Variants in TRAF3IP3 observed in about 807,000 individuals in gnomAD.
TRAF3IP3 encodes the protein TRAF3-interacting JNK-activating modulator.
TRAF3IP3 carries 64 observed loss-of-function variants against 86.5 expected under a neutral mutation model. The observed-to-expected ratio is 0.74, with a 90% confidence interval of 0.60 to 0.91. The LOEUF is 0.91. TRAF3IP3 is among the 40% of genes least tolerant of loss of function. The probability of loss-of-function intolerance (pLI) is 0.00; values close to 1 mark genes in which losing one functional copy is unlikely to be tolerated. For synonymous variants in TRAF3IP3, 220 were observed against 243.9 expected (o/e 0.90, Z 0.91); for missense variants, 579 against 642.9 (o/e 0.90, Z 1.07).
At chr1:209,761,711 C>G (rs1328839560) in intron 3 of TRAF3IP3, among the ~76,000 whole-genome samples, 1 of 152,232 alleles carries the variant, frequency 6.6e-6, no homozygotes. Context: ...ATGGAAGGAA[C>G]CTTATGGATT....
At chr1:209,771,427 A>T in intron 8 of TRAF3IP3, among the ~76,000 whole-genome samples, 1 of 78,904 alleles carries the variant, frequency 1.3e-5, no homozygotes, top group South Asian at 4.6e-4. Context: ...GTGCAGGTGG[A>T]GGTGTGTGCA....
chr1:209,782,307 C>T lies in TRAF3IP3; in HGVS notation c.*159C>T, dbSNP rs1246100356. ...CTACTGTAAATAAACTTCACCTGACCAGATTGTTCCTCAGAACTCTCAGTT... is the reference window on the plus strand; with the variant it reads ...CTACTGTAAATAAACTTCACCTGACTAGATTGTTCCTCAGAACTCTCAGTT... On this transcript the variant is annotated 3_prime_UTR_variant, in exon 17 of 17. Coordinates refer to ENST00000367025, the MANE Select transcript of TRAF3IP3 (RefSeq NM_025228.4). 3.3e-6 allele frequency: 2 copies of T among 613,570 alleles called. No homozygotes were observed. The highest frequency in any genetic ancestry group is 5.6e-5 in the East Asian group (2 of 35,526). 38.0% of individuals were successfully genotyped at this position (613,570 alleles called of 1,614,324 possible).
chr1:209,763,273 T>G (rs1394965342), intron 6 of TRAF3IP3, 90 bp from the exon 7 acceptor site: 2 of 1,511,036 alleles, frequency 1.3e-6, no homozygotes, highest in Admixed American at 1.7e-5. Context: ...AGAGGTTTGC[T>G]CTACACAAGC....
chr1:209,782,121 G>A lies in TRAF3IP3; in HGVS notation c.1629G>A (p.Leu543=), dbSNP rs1288254896. 21 of 1,613,996 alleles carry A rather than the reference G, an allele frequency of 1.3e-5. No individual in the cohort carries two copies. The highest frequency in any genetic ancestry group is 1.8e-5 in the Non-Finnish European group (21 of 1,179,996). ...VVIAAALAVF[L]ANKDNLMI is the part of the protein sequence containing the mutation. ...TTGCTGCAGCACTGGCAGTGTTCCT[G>A]GCCAATAAAGACAACCTGATGATCT... Residue 543 remains leucine, a synonymous_variant, in exon 17 of 17, where the codon CTG becomes CTA. Coordinates refer to ENST00000367025, the MANE Select transcript of TRAF3IP3 (RefSeq NM_025228.4).
intron 8 of TRAF3IP3, among the ~76,000 whole-genome samples, chr1:209,764,685 A>G (rs1378344643): frequency 2.0e-5 from 3 of 150,946 alleles, no homozygotes; most frequent in Non-Finnish European, 4.4e-5. Flanking sequence ...CAGAGGTTGC[A>G]GTAAGCTGAG....
intron 8 of TRAF3IP3, among the ~76,000 whole-genome samples, chr1:209,768,964 AG>A (rs1431735769): frequency 2.0e-5 from 3 of 152,198 alleles, no homozygotes; most frequent in Non-Finnish European, 4.4e-5. Context: ...TCCCCACTGA[AG>A]TGGCTATGGT....
chr1:209,773,296 G>C (rs942176830), intron 9 of TRAF3IP3, among the ~76,000 whole-genome samples: 3 of 152,174 alleles, frequency 2.0e-5, no homozygotes, highest in Non-Finnish European at 4.4e-5. Context: ...GGGGAACCTT[G>C]AGAATACCTG....
chr1:209,770,544 T>G (rs1033166785), intron 8 of TRAF3IP3, among the ~76,000 whole-genome samples: 3 of 144,710 alleles, frequency 2.1e-5, no homozygotes, highest in African/African-American at 7.7e-5. Flanking sequence ...CGTGTGCAGG[T>G]GGAGGTGTGT....
chr1:209,767,757 G>T (rs2077385652), intron 8 of TRAF3IP3, among the ~76,000 whole-genome samples: 1 of 151,904 alleles, frequency 6.6e-6, no homozygotes, highest in Non-Finnish European at 1.5e-5. Flanking sequence ...GGGGTTGGGG[G>T]AGTTGAGACT....
chr1:209,778,038 A>G, intron 12 of TRAF3IP3, 73 bp from the exon 13 acceptor site: 1 of 1,311,876 alleles, frequency 7.6e-7, no homozygotes, highest in Non-Finnish European at 1.1e-6. Flanking sequence ...ATCTATTACT[A>G]ATTTCCATCC....
rs1217878716 is a variant in TRAF3IP3 at position 209,777,704 on chromosome 1, T to G, written c.1189+217T>G. ...CACTGTAGTAGATAGAGTATCTTGT[T>G]GTCTGAGCTCTCTTTTTTAGCCCAT... On this transcript the variant is annotated intron_variant, in intron 12 of 16. Transcript: ENST00000367025. 7.5e-6 allele frequency: 4 copies of G among 532,346 alleles called. No individual in the cohort carries two copies. In the African/African-American group the frequency reaches 7.7e-5, roughly 10 times the overall value. 33.0% of individuals were successfully genotyped at this position (532,346 alleles called of 1,614,324 possible). A position where few individuals can be genotyped will look rare whatever the true frequency, so the allele number is the denominator to read the frequency against.
intron 8 of TRAF3IP3, among the ~76,000 whole-genome samples, chr1:209,771,413 G>A (rs1216181207): frequency 6.9e-6 from 1 of 145,856 alleles, no homozygotes; most frequent in Non-Finnish European, 1.5e-5. Context: ...GTGAAGGTAT[G>A]CATGTGCAGG....
chr1:209,780,699 TTG>T (rs2077758453), intron 15 of TRAF3IP3, 93 bp downstream of exon 15: 5 of 1,231,554 alleles, frequency 4.1e-6, no homozygotes, highest in Non-Finnish European at 2.2e-6. Context: ...AAAGTTTAAG[TTG>T]TGAGTGGATA....
intron 8 of TRAF3IP3, among the ~76,000 whole-genome samples, chr1:209,771,157 T>C (rs2077499969): frequency 9.3e-6 from 1 of 107,480 alleles, no homozygotes; most frequent in Non-Finnish European, 1.9e-5. Context: ...CATGTGAAGG[T>C]TGTGTGCATG....
chr1:209,765,328 A>G (rs2077337235), intron 8 of TRAF3IP3, among the ~76,000 whole-genome samples: 1 of 152,152 alleles, frequency 6.6e-6, no homozygotes, highest in South Asian at 2.1e-4. Flanking sequence ...ATTAATTTTA[A>G]AATAATGAGA....
intron 8 of TRAF3IP3, among the ~76,000 whole-genome samples, chr1:209,769,617 A>G (rs896206128): frequency 1.3e-5 from 2 of 152,256 alleles, no homozygotes; most frequent in African/African-American, 2.4e-5. Flanking sequence ...AGATCAAAAC[A>G]GGAGCTGCGA....
Position 209,762,803 on chromosome 1 carries a change from C to T in TRAF3IP3, c.494-10C>T. ...GTAAGTTCTAAATCAACTTATCCTCCATCTCTCAGGTACTCAGACAAAGGC... is the reference window on the plus strand; with the variant it reads ...GTAAGTTCTAAATCAACTTATCCTCTATCTCTCAGGTACTCAGACAAAGGC... On this transcript the variant is annotated splice_polypyrimidine_tract_variant and intron_variant, in intron 4 of 16. Transcript: ENST00000367025. 6.2e-7 allele frequency: 1 copy of T among 1,614,192 alleles called. No individual in the cohort carries two copies. Among genetic ancestry groups the T allele is most frequent in the South Asian group, 1.1e-5 (1 of 91,084 alleles).
At chr1:209,778,419 G>A in intron 13 of TRAF3IP3, 1 of 456,830 alleles carries the variant, frequency 2.2e-6, no homozygotes, top group Non-Finnish European at 3.8e-6. Context: ...ATTTCCCCTA[G>A]AACTGCAGAT....
At chr1:209,768,176 G>A (rs2077392925) in intron 8 of TRAF3IP3, 1 of 985,256 alleles carries the variant, frequency 1.0e-6, no homozygotes. Context: ...GCCAGAACTG[G>A]TTCAGACCTT....
Sources: allele counts gnomAD v4.1 joint callset (sites outside exome capture counted in the v4.1 genomes callset), GRCh38; gene constraint gnomAD v4.1.1; transcripts MANE v1.5; gene names NCBI Gene and HGNC (gene_info 2026-07-23, HGNC 2026-07-21).